Variants in IGHMBP2 observed in about 807,000 individuals in gnomAD.
IGHMBP2 encodes DNA-binding protein SMUBP-2.
Under a neutral mutation model 96.0 loss-of-function variants are expected in IGHMBP2, and 81 were observed. The observed-to-expected ratio is 0.84, with a 90% CI of 0.71 to 1.01. IGHMBP2 has a LOEUF of 1.01. Ranked by LOEUF, IGHMBP2 falls within the 50% of genes least tolerant of loss-of-function variation. The probability of loss-of-function intolerance (pLI) is 0.00; values close to 1 mark genes in which losing one functional copy is unlikely to be tolerated. For synonymous variants in IGHMBP2, 557 were observed against 548.9 expected, an observed-to-expected ratio of 1.01 and a Z score of -0.21; for missense variants, 1,227 against 1,306.3, an observed-to-expected ratio of 0.94 and a Z score of 0.94.
At chr11:68,925,396 A>G (rs975919249) in intron 7 of IGHMBP2, among the ~76,000 whole-genome samples, 1 of 151,912 alleles carries the variant, frequency 6.6e-6, no homozygotes, top group African/African-American at 2.4e-5. Context: ...TGATGTGCCC[A>G]CCTTGGCCTC....
chr11:68,929,344 A>G lies in IGHMBP2; in HGVS notation c.1222A>G (p.Thr408Ala), dbSNP rs1014879924. The G allele has an allele frequency of 1.2e-6, 2 of 1,613,082 alleles. No individual in the cohort carries two copies. The highest frequency in any genetic ancestry group is 2.7e-5 in the African/African-American group (2 of 74,870). Reference sequence around the variant, plus strand: ...CGATCACAAGCAGCTGCCCCCCACCACAGTCTCTCACAAGTAAGACCCCTT... The same window carrying G: ...CGATCACAAGCAGCTGCCCCCCACCGCAGTCTCTCACAAGTAAGACCCCTT... ...AGDHKQLPPT[T>A]VSHKAALAGL... is the part of the protein sequence containing the mutation. Residue 408 changes from threonine (T) to alanine (A), a missense_variant, in exon 8 of 15, where the codon ACA (threonine) becomes GCA (alanine). Thr to Ala is a moderately conservative substitution (Grantham distance 58). Coordinates refer to ENST00000255078, the MANE Select transcript of IGHMBP2 (RefSeq NM_002180.3).
chr11:68,913,146 G>A lies in IGHMBP2; in HGVS notation c.711+1543G>A, dbSNP rs77592749. ...AGTGGCAGAGCCAGCAATGGAACTC[G>A]GGCAGAGCGCAGGGAAGCCTGTCAC... On this transcript the variant is annotated intron_variant, in intron 5 of 14. Transcript: ENST00000255078. 4.6e-5 allele frequency among the ~76,000 whole-genome samples: 7 copies of A among 151,556 alleles called. No homozygotes were observed. In the East Asian group the frequency reaches 1.4e-3, roughly 29 times the overall value.
chr11:68,922,170 TAGC>T (rs1858900334), intron 7 of IGHMBP2, among the ~76,000 whole-genome samples: 1 of 151,642 alleles, frequency 6.6e-6, no homozygotes. Flanking sequence ...ACAAAAAAAT[TAGC>T]AGGGTGTGGT....
rs780456639 is a variant in IGHMBP2 at position 68,935,173 on chromosome 11, C to T, written c.1633-126C>T. On this transcript the variant is annotated intron_variant, in intron 11 of 14. Transcript: ENST00000255078. The stretch of plus-strand genomic sequence containing the variant: ...ACGGGAAGCCTTTCCCCATGGGGCT[C>T]CTGCAGGCTCCGCTTCCCAGGTCCT... 2.8e-5 allele frequency: 36 copies of T among 1,283,676 alleles called. 1 individual carries two copies. Among genetic ancestry groups the T allele is most frequent in the Non-Finnish European group, 3.5e-5 (32 of 915,024 alleles). The allele number at this position is 1,283,676 out of a possible 1,614,324, so 79.5% of individuals were successfully genotyped here.
intron 10 of IGHMBP2, 53 bp from the exon 11 acceptor site, chr11:68,934,411 A>T: frequency 7.8e-7 from 1 of 1,289,690 alleles, no homozygotes; most frequent in African/African-American, 1.5e-5. Context: ...TTGGTGGTGG[A>T]TGCCCACTTG....
intron 4 of IGHMBP2, among the ~76,000 whole-genome samples, chr11:68,909,870 G>A (rs372542788): frequency 3.3e-5 from 5 of 152,250 alleles, no homozygotes; most frequent in African/African-American, 9.6e-5. Flanking sequence ...GACCTCAGGT[G>A]ATCTACCTGC....
At chr11:68,934,332 G>T in intron 10 of IGHMBP2, 132 bp from the exon 11 acceptor site, 2 of 721,052 alleles carry the variant, frequency 2.8e-6, no homozygotes, top group Non-Finnish European at 5.0e-6. Flanking sequence ...CAGATGATTA[G>T]CTCCCAGGAA....
At position 68,906,051 on chromosome 11, in the gene IGHMBP2, A is replaced by G. The variant is rs373831746; in HGVS notation, c.87-18A>G. ...AACTAGTAAAAATCCTGAAGCATCA[A>G]TACCGGGTGTCTTCCAGGTCCTGGC... On this transcript the variant is annotated intron_variant, in intron 1 of 14. Transcript: ENST00000255078. 3.7e-6 allele frequency: 6 copies of G among 1,613,214 alleles called. No homozygotes were observed. Among genetic ancestry groups the G allele is most frequent in the Non-Finnish European group, 4.2e-6 (5 of 1,179,292 alleles).
chr11:68,917,020 G>A (rs568547353), intron 6 of IGHMBP2, among the ~76,000 whole-genome samples: 157 of 121,528 alleles, frequency 1.3e-3, no homozygotes, highest in Non-Finnish European at 2.1e-3. Context: ...TTGCTCTGTC[G>A]CCCAGGCTGG....
intron 2 of IGHMBP2, among the ~76,000 whole-genome samples, chr11:68,907,259 C>G (rs542775415): frequency 1.1e-4 from 16 of 152,162 alleles, no homozygotes; most frequent in African/African-American, 3.9e-4. Context: ...GACCCTCTCT[C>G]AAAACAGACA....
chr11:68,939,199 G>T (rs960499098), intron 14 of IGHMBP2, among the ~76,000 whole-genome samples: 1 of 152,166 alleles, frequency 6.6e-6, no homozygotes, highest in Admixed American at 6.5e-5. Context: ...TACCCTCTAG[G>T]GTGTCAGCAG....
chr11:68,906,388 GGTTTTAGTT>G (rs1277157452), intron 2 of IGHMBP2, 150 bp downstream of exon 2: 72 of 868,420 alleles, frequency 8.3e-5, no homozygotes, highest in Non-Finnish European at 1.2e-4. Flanking sequence ...AATTGATGTG[GGTTTTAGTT>G]GTCTAGATCA....
intron 5 of IGHMBP2, 50 bp downstream of exon 5, chr11:68,911,653 G>C: frequency 6.4e-7 from 1 of 1,564,354 alleles, no homozygotes; most frequent in Non-Finnish European, 8.8e-7. Context: ...CTCCTGGTCT[G>C]TTGTGTTCAG....
chr11:68,934,172 T>C (rs1244983948), intron 10 of IGHMBP2: 6 of 609,924 alleles, frequency 9.8e-6, no homozygotes, highest in Non-Finnish European at 1.8e-5. Context: ...CTGGCTGGTC[T>C]GGTGATGGGA....
At chr11:68,930,158 C>G in intron 8 of IGHMBP2, 1 of 1,206,176 alleles carries the variant, frequency 8.3e-7, no homozygotes, top group Non-Finnish European at 1.1e-6. Flanking sequence ...GGGCCTGGCA[C>G]GTGGGCTGTC....
intron 12 of IGHMBP2, 66 bp from the exon 13 acceptor site, chr11:68,936,171 G>A: frequency 6.3e-6 from 10 of 1,578,732 alleles, no homozygotes; most frequent in Non-Finnish European, 8.7e-6. Flanking sequence ...ACTGATAAGG[G>A]CGTAGGAGCC....
At chr11:68,906,862 G>T (rs960698333) in intron 2 of IGHMBP2, among the ~76,000 whole-genome samples, 1 of 151,894 alleles carries the variant, frequency 6.6e-6, no homozygotes, top group Non-Finnish European at 1.5e-5. Flanking sequence ...GGCTGGTCTC[G>T]AACTCCCAAC....
At chr11:68,937,933 A>G (rs564851950) in intron 13 of IGHMBP2, 1 of 529,002 alleles carries the variant, frequency 1.9e-6, no homozygotes, top group South Asian at 2.0e-5. Flanking sequence ...ACAGGGTAGC[A>G]GAGGGAAGAC....
At position 68,940,041 on chromosome 11, in the gene IGHMBP2, C is replaced by T; in HGVS notation, c.*310C>T. The T allele has an allele frequency of 2.4e-6, 1 of 415,040 alleles. No homozygotes were observed. Among genetic ancestry groups the T allele is most frequent in the South Asian group, 3.1e-5 (1 of 32,498 alleles). The allele number at this position is 415,040 out of a possible 1,614,324, so 25.7% of individuals were successfully genotyped here. ...CTGGATCCTGGGGAAGGTTCCAGTC[C>T]CTGGAGAATACCCAGGGCCTCAAAC... On this transcript the variant is annotated 3_prime_UTR_variant, in exon 15 of 15. Coordinates refer to ENST00000255078, the MANE Select transcript of IGHMBP2 (RefSeq NM_002180.3).
Sources: gnomAD v4.1 joint callset for allele counts (sites outside exome capture counted in the v4.1 genomes callset) on GRCh38, gnomAD v4.1.1 for gene constraint, MANE v1.5 for transcripts, NCBI Gene and HGNC (gene_info 2026-07-23, HGNC 2026-07-21) for gene names.